The following HABP4 variants were observed in gnomAD, a reference collection of about 807,000 sequenced individuals.
HABP4 encodes intracellular hyaluronan-binding protein 4.
A neutral mutation model predicts 44.1 loss-of-function variants in HABP4; 32 were observed. That is an observed-to-expected ratio of 0.73 (90% CI 0.55 to 0.97). The LOEUF (loss-of-function observed/expected upper bound fraction) is 0.97, where lower values mean the gene tolerates loss of function less well. Ranked by LOEUF, HABP4 falls within the 50% of genes least tolerant of loss-of-function variation. The pLI, the probability that HABP4 is intolerant of heterozygous loss-of-function variation, is 0.00. For missense variants in HABP4, 503 were observed against 561.9 expected, an observed-to-expected ratio of 0.90 and a Z score of 1.06; for synonymous variants, 216 against 218.0, an observed-to-expected ratio of 0.99 and a Z score of 0.08.
At chr9:96,472,321 T>C (rs1832712511) in intron 5 of HABP4, among the ~76,000 whole-genome samples, 1 of 152,160 alleles carries the variant, frequency 6.6e-6, no homozygotes, top group South Asian at 2.1e-4. Context: ...GGGTTCACTC[T>C]TTCTCTCACC....
chr9:96,462,344 T>C (rs1235886339), intron 2 of HABP4, among the ~76,000 whole-genome samples: 1 of 139,254 alleles, frequency 7.2e-6, no homozygotes, highest in South Asian at 2.3e-4. Flanking sequence ...CCAGCTAGTC[T>C]GGAGGCTGAG....
chr9:96,486,091 C>G (rs974857029), intron 6 of HABP4, among the ~76,000 whole-genome samples: 1 of 152,086 alleles, frequency 6.6e-6, no homozygotes, highest in Non-Finnish European at 1.5e-5. Flanking sequence ...ACTCGGGAGG[C>G]TGAGGCAGGA....
intron 4 of HABP4, among the ~76,000 whole-genome samples, chr9:96,469,211 T>A (rs1399334225): frequency 6.6e-6 from 1 of 152,256 alleles, no homozygotes; most frequent in Non-Finnish European, 1.5e-5. Context: ...TCAGATATTA[T>A]TTTCTTGTTA....
Position 96,465,785 on chromosome 9 carries a change from TG to T in HABP4, c.743+8del. The T allele has an allele frequency of 6.8e-7, 1 of 1,463,568 alleles. No individual in the cohort carries two copies. Among genetic ancestry groups the T allele is most frequent in the Non-Finnish European group, 9.6e-7 (1 of 1,042,674 alleles). The allele number at this position is 1,463,568 out of a possible 1,614,324, so 90.7% of individuals were successfully genotyped here. ...GATCGGGTAAAGATACCAGGTACGG[TG>T]TAAGTGTGTGCCCTCTGAGAACCTG... On this transcript the variant is annotated splice_region_variant and intron_variant, in intron 4 of 7. Coordinates refer to ENST00000375249, the MANE Select transcript of HABP4 (RefSeq NM_014282.4).
rs1832688981 is a variant in HABP4, at chr9:96,471,046, C to T, written c.779C>T (p.Thr260Ile). ...VEPTAPMEEPTVVEESQGTPE... is the reference protein window; with the variant it reads ...VEPTAPMEEPIVVEESQGTPE... ...CCAACTGCACCGATGGAGGAACCCA[C>T]AGTGGTGGAGGAGTCCCAGGGCACC... Residue 260 changes from threonine (T) to isoleucine (I), a missense_variant, in exon 5 of 8, where the codon ACA (threonine) becomes ATA (isoleucine). Coordinates refer to ENST00000375249, the MANE Select transcript of HABP4 (RefSeq NM_014282.4). 6.2e-7 allele frequency: 1 copy of T among 1,608,816 alleles called. No homozygotes were observed. Among genetic ancestry groups the T allele is most frequent in the African/African-American group, 1.3e-5 (1 of 74,800 alleles).
In HABP4 at chr9:96,465,471, T is replaced by C; in HGVS notation, c.647T>C (p.Phe216Ser). The change falls in exon 3 of 8, where the codon TTT becomes TCT. Residue 216 changes from phenylalanine (F) to serine (S), a missense_variant. Coordinates refer to ENST00000375249, the MANE Select transcript of HABP4 (RefSeq NM_014282.4). ...DAFDQRGKRE[F>S]ERYGGNDKIA... Reference sequence around the variant, plus strand: ...TTTGACCAGAGAGGAAAGCGAGAATTTGAAAGATATGGTGGGAATGACAAA... The same window carrying C: ...TTTGACCAGAGAGGAAAGCGAGAATCTGAAAGATATGGTGGGAATGACAAA... 6.2e-7 allele frequency: 1 copy of C among 1,612,556 alleles called. No homozygotes were observed.
In HABP4 at chr9:96,450,393, G is replaced by A; in HGVS notation, c.114G>A (p.Pro38=). 1 of 1,271,150 alleles carries A rather than the reference G, an allele frequency of 7.9e-7. No homozygotes were observed. Among genetic ancestry groups the A allele is most frequent in the Non-Finnish European group, 1.0e-6 (1 of 971,378 alleles). The allele number at this position is 1,271,150 out of a possible 1,614,324, so 78.7% of individuals were successfully genotyped here. A position where few individuals can be genotyped will look rare whatever the true frequency, so the allele number is the denominator to read the frequency against. The part of the protein sequence containing the change: ...FHQLLDDESD[P]FDILREAERR... ...AGCTGCTGGACGACGAGTCGGACCCGTTCGACATCCTGCGCGAGGCCGAGC... is the reference window on the plus strand; with the variant it reads ...AGCTGCTGGACGACGAGTCGGACCCATTCGACATCCTGCGCGAGGCCGAGC... Residue 38 remains proline, a synonymous_variant, in exon 1 of 8, where the codon CCG becomes CCA. Transcript: ENST00000375249. The surrounding 1 kb of genome is among the most constrained non-coding windows in gnomAD (Gnocchi z 4.8).
intron 5 of HABP4, among the ~76,000 whole-genome samples, chr9:96,474,373 T>C (rs754033552): frequency 6.6e-6 from 1 of 152,210 alleles, no homozygotes. Context: ...TCAGGTAATA[T>C]AAGGCAGAAT....
intron 1 of HABP4, among the ~76,000 whole-genome samples, chr9:96,453,160 C>T (rs1377994744): frequency 9.5e-5 from 14 of 147,208 alleles, no homozygotes; most frequent in Non-Finnish European, 1.1e-4. Context: ...TCTGCCTCCC[C>T]GGTTCAAGCG....
chr9:96,456,814 T>TCC (rs1832401036), intron 1 of HABP4, among the ~76,000 whole-genome samples: 1 of 112,106 alleles, frequency 8.9e-6, no homozygotes, highest in Admixed American at 1.0e-4. Flanking sequence ...TATATATATA[T>TCC]ATATATATCC....
chr9:96,485,476 C>T (rs10991346), intron 6 of HABP4, among the ~76,000 whole-genome samples: 35,365 of 152,218 alleles, frequency 0.23, 5,124 homozygotes, highest in African/African-American at 0.41. Flanking sequence ...AGTCCCCGAA[C>T]GCTTGGCTGC....
At chr9:96,478,335 G>A (rs1454335697) in intron 5 of HABP4, among the ~76,000 whole-genome samples, 2 of 152,150 alleles carry the variant, frequency 1.3e-5, no homozygotes, top group Non-Finnish European at 2.9e-5. Context: ...GTTTCACCAT[G>A]TTGGCCAGGC....
chr9:96,473,094 CTTT>C (rs1832723549), intron 5 of HABP4, among the ~76,000 whole-genome samples: 1 of 152,146 alleles, frequency 6.6e-6, no homozygotes, highest in African/African-American at 2.4e-5. Flanking sequence ...TGTAGAGTTT[CTTT>C]ATAGGATCTT....
intron 1 of HABP4, among the ~76,000 whole-genome samples, chr9:96,452,949 CTT>C (rs1177903166): frequency 6.6e-5 from 1 of 15,086 alleles, no homozygotes; most frequent in African/African-American, 3.1e-4. Context: ...GAGACAGAGT[CTT>C]TTTTTTTGAG....
chr9:96,466,379 C>CA (rs201141502), intron 4 of HABP4, among the ~76,000 whole-genome samples: 69 of 151,406 alleles, frequency 4.6e-4, no homozygotes, highest in African/African-American at 1.3e-3. Context: ...CTCAAAAAAA[C>CA]AAAAAAAAGC....
At chr9:96,459,453 A>G (rs779470998) in intron 2 of HABP4, among the ~76,000 whole-genome samples, 4 of 152,106 alleles carry the variant, frequency 2.6e-5, no homozygotes, top group Non-Finnish European at 4.4e-5. Context: ...ACCGCACTCC[A>G]CCTCAACACG....
intron 1 of HABP4, among the ~76,000 whole-genome samples, chr9:96,452,185 C>T (rs1330040059): frequency 6.7e-6 from 1 of 149,278 alleles, no homozygotes; most frequent in Non-Finnish European, 1.5e-5. Context: ...CGAGATCGAG[C>T]CACTGTACTC....
At chr9:96,459,754 C>T (rs1359827828) in intron 2 of HABP4, among the ~76,000 whole-genome samples, 1 of 151,994 alleles carries the variant, frequency 6.6e-6, no homozygotes, top group Non-Finnish European at 1.5e-5. Flanking sequence ...AAAAACAAAA[C>T]AAAACAAAAG....
At chr9:96,464,141 G>A (rs1323828634) in intron 2 of HABP4, among the ~76,000 whole-genome samples, 3 of 152,104 alleles carry the variant, frequency 2.0e-5, no homozygotes, top group South Asian at 2.1e-4. Flanking sequence ...TTGGGCTCTC[G>A]CTCGTATTGT....
Sources: allele counts gnomAD v4.1 joint callset (sites outside exome capture counted in the v4.1 genomes callset), GRCh38; gene constraint gnomAD v4.1.1; non-coding constraint Gnocchi (gnomAD v3.1); transcripts MANE v1.5; gene names NCBI Gene and HGNC (gene_info 2026-07-23, HGNC 2026-07-21).